Variants in KDM3B observed in about 807,000 individuals in gnomAD.
KDM3B encodes the protein lysine-specific demethylase 3B.
Under a neutral mutation model 170.0 loss-of-function variants are expected in KDM3B, and 10 were observed. That is an observed-to-expected ratio of 0.06 (90% CI 0.04 to 0.10). The LOEUF (loss-of-function observed/expected upper bound fraction) is 0.10, where lower values mean the gene tolerates loss of function less well. Ranked by LOEUF, KDM3B falls within the 10% of genes least tolerant of loss-of-function variation. The pLI, the probability that KDM3B is intolerant of heterozygous loss-of-function variation, is 1.00. For missense variants in KDM3B, 1,394 were observed against 2,195.2 expected (o/e 0.64, Z 7.29); for synonymous variants, 831 against 834.8 (o/e 1.00, Z 0.08).
At chr5:138,364,309 GTGTTGCTTTTA>G (rs1273945279) in intron 1 of KDM3B, among the ~76,000 whole-genome samples, 2 of 152,114 alleles carry the variant, frequency 1.3e-5, no homozygotes, top group Non-Finnish European at 2.9e-5. Flanking sequence ...GGTAATTCAT[GTGTTGCTTTTA>G]TAACGCAAAA....
chr5:138,382,508 T>C (rs1762151767), intron 6 of KDM3B, among the ~76,000 whole-genome samples: 1 of 152,112 alleles, frequency 6.6e-6, no homozygotes, highest in South Asian at 2.1e-4. Context: ...TAATTCTGTG[T>C]GAATTTCCTT....
At position 138,391,672 on chromosome 5, in the gene KDM3B, T is replaced by A. The variant is rs1762434452; in HGVS notation, c.2040T>A (p.Ser680=). Residue 680 remains serine (S), a synonymous_variant, in exon 8 of 24, where the codon TCT becomes TCA. Transcript: ENST00000314358. This position sits in a 1 kb window ranked among gnomAD's most constrained non-coding sequence, Gnocchi z 5.0. ...CCAGCTGGCCCGAGTCTCACTCCTC[T>A]GCAGATTCGGCATCTTTAGCAAAGA... The part of the protein sequence containing the change: ...VAPSWPESHS[S]ADSASLAKKK... The A allele has an allele frequency of 1.2e-6, 2 of 1,614,028 alleles. No homozygotes were observed. The highest frequency in any genetic ancestry group is 2.7e-5 in the African/African-American group (2 of 74,920).
chr5:138,420,751 C>T lies in KDM3B; in HGVS notation c.3761C>T (p.Pro1254Leu). The stretch of plus-strand genomic sequence containing the variant: ...GTGCTCAATAAAGAGTCTCATTCAC[C>T]CTTTGGGCTGGACTCGTTCAACTCC... ...RSVLNKESHS[P>L]FGLDSFNSTA... Residue 1254 changes from proline to leucine, a missense_variant, in exon 15 of 24, where the codon CCC becomes CTC. This residue lies in a region of KDM3B where 137 missense variants were observed against 166.9 expected (regional missense o/e 0.82). Transcript: ENST00000314358. The T allele has an allele frequency of 1.9e-6, 3 of 1,614,074 alleles. No homozygotes were observed. Among genetic ancestry groups the T allele is most frequent in the Non-Finnish European group, 2.5e-6 (3 of 1,179,986 alleles).
chr5:138,431,163 G>A (rs892513642), intron 22 of KDM3B, among the ~76,000 whole-genome samples: 1 of 151,180 alleles, frequency 6.6e-6, no homozygotes, highest in Non-Finnish European at 1.5e-5. Context: ...ACCGTATCAA[G>A]CCCAGGCTGG....
At chr5:138,412,250 C>G (rs1476754298) in intron 11 of KDM3B, among the ~76,000 whole-genome samples, 2 of 151,296 alleles carry the variant, frequency 1.3e-5, no homozygotes, top group Admixed American at 1.3e-4. Flanking sequence ...GCAGGAGGAT[C>G]GCTTGAACCC....
intron 7 of KDM3B, among the ~76,000 whole-genome samples, chr5:138,389,068 A>G (rs1256006012): frequency 6.6e-6 from 1 of 152,280 alleles, no homozygotes; most frequent in Non-Finnish European, 1.5e-5. Context: ...TACCCATGCT[A>G]GTTCCTTGCA....
chr5:138,428,552 T>C (rs1318900167), intron 20 of KDM3B, among the ~76,000 whole-genome samples: 1 of 152,184 alleles, frequency 6.6e-6, no homozygotes, highest in Admixed American at 6.6e-5. Context: ...TTTTCTTGTT[T>C]CTTCCAGGTC....
chr5:138,431,077 C>T (rs1209032788), intron 22 of KDM3B, among the ~76,000 whole-genome samples: 1 of 152,020 alleles, frequency 6.6e-6, no homozygotes, highest in Non-Finnish European at 1.5e-5. Context: ...TGTGCAAATA[C>T]TGATATTTTT....
chr5:138,401,382 C>G (rs1762691607), intron 11 of KDM3B, among the ~76,000 whole-genome samples: 1 of 151,928 alleles, frequency 6.6e-6, no homozygotes, highest in Non-Finnish European at 1.5e-5. Context: ...TTTGTTATGC[C>G]TTCTGTGACT....
chr5:138,434,577 T>G (rs1394777119), intron 23 of KDM3B, among the ~76,000 whole-genome samples: 1 of 151,312 alleles, frequency 6.6e-6, no homozygotes, highest in African/African-American at 2.4e-5. Context: ...CTTTCCTGAC[T>G]ACCCTGTTTA....
intron 23 of KDM3B, among the ~76,000 whole-genome samples, chr5:138,431,912 C>CAA (rs551330545): frequency 1.7e-5 from 2 of 115,970 alleles, no homozygotes; most frequent in Non-Finnish European, 1.9e-5. Flanking sequence ...ACTCCCATCT[C>CAA]AAAAAAAAAA....
intron 7 of KDM3B, among the ~76,000 whole-genome samples, chr5:138,388,264 A>G (rs1289664911): frequency 6.6e-6 from 1 of 152,060 alleles, no homozygotes; most frequent in Non-Finnish European, 1.5e-5. Flanking sequence ...AAACAGGTTG[A>G]GGGAATTTCT....
chr5:138,412,444 A>G (rs1239588445), intron 11 of KDM3B, among the ~76,000 whole-genome samples: 1 of 152,134 alleles, frequency 6.6e-6, no homozygotes, highest in Non-Finnish European at 1.5e-5. Flanking sequence ...GCTTGAGCCC[A>G]GGAGTTCAAG....
At chr5:138,411,929 C>T (rs1456233171) in intron 11 of KDM3B, among the ~76,000 whole-genome samples, 4 of 147,866 alleles carry the variant, frequency 2.7e-5, no homozygotes, top group South Asian at 2.3e-4. Flanking sequence ...AGGCTGGTCT[C>T]GAACTCCTGA....
At chr5:138,360,884 G>T (rs1038570050) in intron 1 of KDM3B, among the ~76,000 whole-genome samples, 4 of 152,114 alleles carry the variant, frequency 2.6e-5, no homozygotes, top group Non-Finnish European at 2.9e-5. Flanking sequence ...GAGCCACCAC[G>T]CCCGGCCATT....
chr5:138,402,120 C>T lies in KDM3B; in HGVS notation c.3199+2108C>T, dbSNP rs909247376. On this transcript the variant is annotated intron_variant, in intron 11 of 23. Transcript: ENST00000314358. ...ATTTTTTTTGGTAGAGATGGAGTCT[C>T]GCTACATTGCCCAGTCTGGTTGCTA... 5.3e-5 allele frequency among the ~76,000 whole-genome samples: 8 copies of T among 151,938 alleles called. No individual in the cohort carries two copies. The East Asian group carries it at 5.8e-4, about 11-fold the overall frequency.
chr5:138,358,170 A>G (rs1761501425), intron 1 of KDM3B, among the ~76,000 whole-genome samples: 1 of 150,800 alleles, frequency 6.6e-6, no homozygotes, highest in Non-Finnish European at 1.5e-5. Flanking sequence ...TTTAGTAGAG[A>G]TGGGGTTTCA....
At chr5:138,373,421 AC>A (rs2126923662) in intron 2 of KDM3B, among the ~76,000 whole-genome samples, 1 of 152,212 alleles carries the variant, frequency 6.6e-6, no homozygotes, top group South Asian at 2.1e-4. Context: ...ATTATTTGTA[AC>A]CTTTAAAGTT....
chr5:138,419,728 T>TAAAC (rs1389498563), intron 14 of KDM3B, among the ~76,000 whole-genome samples: 1 of 122,186 alleles, frequency 8.2e-6, no homozygotes, highest in Non-Finnish European at 1.6e-5. Flanking sequence ...TACACACACA[T>TAAAC]ACACACACAC....
Sources: gnomAD v4.1 joint callset for allele counts (sites outside exome capture counted in the v4.1 genomes callset) on GRCh38, gnomAD v4.1.1 for gene constraint, gnomAD v4.1.1 regional missense constraint, Gnocchi (gnomAD v3.1) non-coding constraint, MANE v1.5 for transcripts, NCBI Gene and HGNC (gene_info 2026-07-23, HGNC 2026-07-21) for gene names.